PAK3: variants seen among roughly 807,000 people sequenced by gnomAD.
PAK3 encodes serine/threonine-protein kinase PAK 3.
In PAK3, 4 loss-of-function variants were observed where a neutral mutation model predicts 41.0. That is an observed-to-expected ratio of 0.10 (90% CI 0.05 to 0.22). The LOEUF is 0.22. Among genes scored for constraint, PAK3 ranks in the 10% least tolerant of loss-of-function variants. The pLI is 1.00. For missense variants in PAK3, 205 were observed against 409.9 expected (o/e 0.50, Z 4.32); for synonymous variants, 146 against 139.6 (o/e 1.05, Z -0.32).
At chrX:111,045,438 T>C (rs1252645206) in intron 1 of PAK3, among the ~76,000 whole-genome samples, 1 of 112,090 alleles carries the variant, frequency 8.9e-6, no homozygotes, top group Non-Finnish European at 1.9e-5. Context: ...ATTTAGCATA[T>C]GGTTATGGGT....
chrX:110,982,346 C>T (rs1260389403), intron 1 of PAK3, among the ~76,000 whole-genome samples: 5 of 112,186 alleles, frequency 4.5e-5, no homozygotes, highest in South Asian at 3.7e-4. Flanking sequence ...AGCTCTGTGA[C>T]GCTGAACAAG....
At chrX:110,965,656 A>G (rs1273159254) in intron 1 of PAK3, among the ~76,000 whole-genome samples, 1 of 112,559 alleles carries the variant, frequency 8.9e-6, no homozygotes, top group Non-Finnish European at 1.9e-5. Flanking sequence ...GATTTATTCA[A>G]GCTTCAGTTT....
chrX:110,963,403 T>C (rs948969470), intron 1 of PAK3, among the ~76,000 whole-genome samples: 2 of 111,879 alleles, frequency 1.8e-5, no homozygotes, highest in African/African-American at 3.3e-5. Flanking sequence ...GCTCAGGCTG[T>C]AGGCTTTTCA....
At chrX:111,201,213 A>G (rs761325594) in intron 16 of PAK3, among the ~76,000 whole-genome samples, 1 of 112,507 alleles carries the variant, frequency 8.9e-6, no homozygotes, top group South Asian at 3.6e-4. Flanking sequence ...TGTCTCTTCT[A>G]GGCATCAGGA....
At chrX:111,217,702 A>G (rs903259610) in intron 17 of PAK3, 1 of 620,485 alleles carries the variant, frequency 1.6e-6, no homozygotes, top group African/African-American at 2.5e-5. Flanking sequence ...AAAATGTCAA[A>G]TCTGGAATGG....
chrX:111,078,589 C>A (rs1569304813), intron 1 of PAK3, among the ~76,000 whole-genome samples: 1 of 110,830 alleles, frequency 9.0e-6, no homozygotes, highest in South Asian at 3.9e-4. Flanking sequence ...CTCTCCTAAG[C>A]CCTGCCTATT....
intron 1 of PAK3, among the ~76,000 whole-genome samples, chrX:111,022,620 G>GA (rs200443851): frequency 1.1e-4 from 12 of 109,809 alleles, no homozygotes; most frequent in African/African-American, 1.3e-4. Flanking sequence ...ATAATACCAT[G>GA]AAAAAAAACA....
At chrX:111,192,455 AT>A (rs2094569313) in intron 12 of PAK3, 50 bp from the exon 13 acceptor site, 2 of 684,704 alleles carry the variant, frequency 2.9e-6, no homozygotes, top group Non-Finnish European at 4.8e-6. Context: ...ATGAATATTC[AT>A]GTTTATTATA....
At chrX:111,138,162 T>C (rs2093818738) in intron 5 of PAK3, among the ~76,000 whole-genome samples, 1 of 109,641 alleles carries the variant, frequency 9.1e-6, no homozygotes, top group African/African-American at 3.3e-5. Flanking sequence ...TTGCCAGCTG[T>C]GTAACCCTGG....
chrX:111,181,019 A>G (rs947248567), intron 11 of PAK3, among the ~76,000 whole-genome samples: 11 of 111,828 alleles, frequency 9.8e-5, no homozygotes, highest in Admixed American at 3.8e-4. Context: ...ATAATGTATG[A>G]GAGTGCCGGT....
chrX:111,086,587 C>T (rs912821054), intron 1 of PAK3, among the ~76,000 whole-genome samples: 1 of 111,499 alleles, frequency 9.0e-6, no homozygotes, highest in African/African-American at 3.3e-5. Flanking sequence ...CTGCCATCTA[C>T]CAATCCCATT....
chrX:110,997,010 G>T (rs770053421), intron 1 of PAK3, among the ~76,000 whole-genome samples: 23 of 112,040 alleles, frequency 2.1e-4, no homozygotes, highest in Non-Finnish European at 4.1e-4. Flanking sequence ...GTAAAGACCT[G>T]AAAGAAGTGA....
chrX:111,086,212 A>T (rs1484902407), intron 1 of PAK3, among the ~76,000 whole-genome samples: 1 of 111,179 alleles, frequency 9.0e-6, no homozygotes, highest in African/African-American at 3.3e-5. Context: ...GATAGTTTAG[A>T]TTTTACCACA....
At chrX:111,048,894 A>C (rs1446100276) in intron 1 of PAK3, among the ~76,000 whole-genome samples, 3 of 111,856 alleles carry the variant, frequency 2.7e-5, no homozygotes. Flanking sequence ...TAAAAACATA[A>C]ATCAGATCAT....
At chrX:110,982,123 A>C (rs777667200) in intron 1 of PAK3, among the ~76,000 whole-genome samples, 3 of 111,842 alleles carry the variant, frequency 2.7e-5, no homozygotes, top group Non-Finnish European at 5.6e-5. Context: ...TTGGTTAAGG[A>C]TTGAAGCTGA....
At chrX:111,211,412 G>A (rs1175463843) in intron 16 of PAK3, among the ~76,000 whole-genome samples, 1 of 111,015 alleles carries the variant, frequency 9.0e-6, no homozygotes, top group African/African-American at 3.3e-5. Context: ...TGGGCTGGAC[G>A]CGGTGGCTCA....
chrX:111,149,871 T>C (rs1033681367), intron 7 of PAK3, among the ~76,000 whole-genome samples: 11 of 112,550 alleles, frequency 9.8e-5, no homozygotes, highest in Admixed American at 7.5e-4. Context: ...TTGCCACTTA[T>C]GCAAATTTCT....
At chrX:111,075,945 T>C (rs1396888709) in intron 1 of PAK3, among the ~76,000 whole-genome samples, 3 of 112,964 alleles carry the variant, frequency 2.7e-5, no homozygotes, top group Non-Finnish European at 5.6e-5. Flanking sequence ...ATTTAGTGAC[T>C]ACCCTTCTGG....
chrX:111,053,696 A>G (rs1195988201), intron 1 of PAK3, among the ~76,000 whole-genome samples: 1 of 110,680 alleles, frequency 9.0e-6, no homozygotes, highest in Non-Finnish European at 1.9e-5. Context: ...GCTCCCATCC[A>G]GCCCGGAGCT....
Sources: allele counts gnomAD v4.1 joint callset (sites outside exome capture counted in the v4.1 genomes callset), GRCh38; gene constraint gnomAD v4.1.1; transcripts MANE v1.5; gene names NCBI Gene and HGNC (gene_info 2026-07-23, HGNC 2026-07-21).